SEC24A: variants seen among roughly 807,000 people sequenced by gnomAD.
The protein encoded by SEC24A is protein transport protein Sec24A.
SEC24A carries 93 observed loss-of-function variants against 129.4 expected under a neutral mutation model. The ratio of observed to expected loss-of-function variants is 0.72; its 90% CI spans 0.61 to 0.85. The LOEUF (loss-of-function observed/expected upper bound fraction) is 0.85. SEC24A is among the 40% of genes least tolerant of loss of function. The pLI, the probability that SEC24A is intolerant of heterozygous loss-of-function variation, is 0.00. For synonymous variants in SEC24A, 460 were observed against 467.3 expected, an observed-to-expected ratio of 0.98 and a Z score of 0.20; for missense variants, 1,264 against 1,307.4, an observed-to-expected ratio of 0.97 and a Z score of 0.51.
intron 20 of SEC24A, among the ~76,000 whole-genome samples, chr5:134,720,619 C>T (rs1456656195): frequency 1.3e-5 from 2 of 152,062 alleles, no homozygotes; most frequent in Non-Finnish European, 2.9e-5. Context: ...AAAATATACT[C>T]AAGCTGGGTG....
At chr5:134,670,023 T>G (rs1580693406) in intron 3 of SEC24A, among the ~76,000 whole-genome samples, 1 of 152,114 alleles carries the variant, frequency 6.6e-6, no homozygotes, top group African/African-American at 2.4e-5. Flanking sequence ...GCCTCCCAGG[T>G]TCAAGCGATT....
chr5:134,679,841 T>A (rs1375686773), intron 8 of SEC24A, 113 bp downstream of exon 8: 3 of 683,406 alleles, frequency 4.4e-6, no homozygotes, highest in African/African-American at 3.7e-5. Flanking sequence ...CTCTAGTCAA[T>A]CCTTCCACTC....
chr5:134,688,218 A>G lies in SEC24A; in HGVS notation c.1642A>G (p.Thr548Ala). ...CACTAGAACAAAAATTGGCTTCATAACATTTGACAGTACAATCCATTTCTA... is the reference window on the plus strand; with the variant it reads ...CACTAGAACAAAAATTGGCTTCATAGCATTTGACAGTACAATCCATTTCTA... ...GNTRTKIGFI[T>A]FDSTIHFYGL... Residue 548 changes from threonine to alanine, a missense_variant, in exon 11 of 23, where the codon ACA becomes GCA. Thr to Ala is a moderately conservative substitution (Grantham distance 58). Transcript: ENST00000398844. 6.2e-7 allele frequency: 1 copy of G among 1,613,246 alleles called. No individual in the cohort carries two copies. Among genetic ancestry groups the G allele is most frequent in the Non-Finnish European group, 8.5e-7 (1 of 1,179,348 alleles).
chr5:134,709,248 C>T (rs940016891), intron 18 of SEC24A, among the ~76,000 whole-genome samples: 2 of 151,994 alleles, frequency 1.3e-5, no homozygotes, highest in African/African-American at 4.8e-5. Context: ...ACGATGGAAA[C>T]ATCAAAAGGC....
At chr5:134,703,702 T>C in intron 15 of SEC24A, 57 bp from the exon 16 acceptor site, 1 of 1,136,254 alleles carries the variant, frequency 8.8e-7, no homozygotes, top group Non-Finnish European at 1.3e-6. Flanking sequence ...TAGGATAAAA[T>C]GTAAATATCA....
intron 13 of SEC24A, among the ~76,000 whole-genome samples, chr5:134,695,110 C>CTA (rs933745189): frequency 2.6e-5 from 4 of 151,902 alleles, no homozygotes; most frequent in African/African-American, 9.7e-5. Flanking sequence ...TGGCTTGTGC[C>CTA]TATAATCCCA....
chr5:134,707,076 A>G (rs1464294416), intron 17 of SEC24A, among the ~76,000 whole-genome samples: 10 of 152,222 alleles, frequency 6.6e-5, no homozygotes, highest in Admixed American at 3.9e-4. Flanking sequence ...GGCTCAAGCA[A>G]TCCTCCTGCT....
Position 134,648,884 on chromosome 5 carries a change from C to T in SEC24A, c.-193C>T. On this transcript the variant is annotated 5_prime_UTR_variant, in exon 1 of 23. Transcript: ENST00000398844. ...GGCCCGACTCTCAAGCCTCAGCTCCCAGGCTAGGCTGTGGCCGCCGGTGGC... is the reference window on the plus strand; with the variant it reads ...GGCCCGACTCTCAAGCCTCAGCTCCTAGGCTAGGCTGTGGCCGCCGGTGGC... The T allele has an allele frequency of 2.2e-6, 1 of 450,834 alleles. No individual in the cohort carries two copies. Among genetic ancestry groups the T allele is most frequent in the South Asian group, 3.8e-5 (1 of 26,028 alleles). The allele number at this position is 450,834 out of a possible 1,614,324, so 27.9% of individuals were successfully genotyped here. A position where few individuals can be genotyped will look rare whatever the true frequency, so the allele number is the denominator to read the frequency against.
chr5:134,685,136 G>A (rs773008690), intron 9 of SEC24A, among the ~76,000 whole-genome samples: 2 of 152,156 alleles, frequency 1.3e-5, no homozygotes, highest in Middle Eastern at 3.4e-3. Context: ...TTGGGAAGCC[G>A]ATGCAGGAGG....
At chr5:134,683,370 A>AT in intron 9 of SEC24A, among the ~76,000 whole-genome samples, 1 of 151,498 alleles carries the variant, frequency 6.6e-6, no homozygotes, top group East Asian at 1.9e-4. Context: ...CTATTGCTTC[A>AT]TTTTTCCTTC....
At chr5:134,724,572 G>T (rs1752713752) in intron 22 of SEC24A, among the ~76,000 whole-genome samples, 1 of 147,884 alleles carries the variant, frequency 6.8e-6, no homozygotes, top group South Asian at 2.1e-4. Flanking sequence ...TGGGCAACAA[G>T]AGTAAAACTC....
chr5:134,719,612 C>T (rs1752575574), intron 20 of SEC24A, among the ~76,000 whole-genome samples: 1 of 148,010 alleles, frequency 6.8e-6, no homozygotes, highest in Non-Finnish European at 1.5e-5. Context: ...CACCTGAACC[C>T]AGGAGGTTGA....
At chr5:134,649,219 G>A (rs774337293) in intron 1 of SEC24A, 46 bp downstream of exon 1, 1 of 1,396,650 alleles carries the variant, frequency 7.2e-7, no homozygotes, top group Non-Finnish European at 9.9e-7. Context: ...AGGGCTGACT[G>A]ACCTTTGCGT....
intron 11 of SEC24A, among the ~76,000 whole-genome samples, chr5:134,689,632 G>A (rs796771914): frequency 6.3e-4 from 96 of 152,126 alleles, no homozygotes; most frequent in African/African-American, 2.1e-3. Context: ...GTGGTGGTGC[G>A]TACCTGTAGT....
chr5:134,682,045 C>T (rs1249341430), intron 8 of SEC24A, among the ~76,000 whole-genome samples: 4 of 151,970 alleles, frequency 2.6e-5, no homozygotes, highest in African/African-American at 9.7e-5. Flanking sequence ...AGTTCGAGAC[C>T]AGCCTGACCA....
chr5:134,660,997 G>T, intron 1 of SEC24A, 122 bp from the exon 2 acceptor site: 1 of 749,054 alleles, frequency 1.3e-6, no homozygotes, highest in Non-Finnish European at 2.2e-6. Flanking sequence ...TAAGTCCTTT[G>T]CTTATTTTTT....
intron 1 of SEC24A, among the ~76,000 whole-genome samples, chr5:134,658,385 C>T (rs1750323964): frequency 6.6e-6 from 1 of 152,124 alleles, no homozygotes; most frequent in African/African-American, 2.4e-5. Context: ...TGGAACATTA[C>T]TTGGGTGACT....
Position 134,688,157 on chromosome 5 carries a change from A to G in SEC24A, c.1605-24A>G, listed in dbSNP as rs1289568598. ...TTGTATGTGGTTAAAACTTGATAAA[A>G]TACTCTTCTGAATTTGTTTTTAGGC... is the stretch of plus-strand genomic sequence containing the variant. On this transcript the variant is annotated intron_variant, in intron 10 of 22. Coordinates refer to ENST00000398844, the MANE Select transcript of SEC24A (RefSeq NM_021982.3). 3 of 1,306,392 alleles carry G rather than the reference A, an allele frequency of 2.3e-6. No individual in the cohort carries two copies. In the Admixed American group the frequency reaches 5.0e-5, roughly 22 times the overall value. 80.9% of individuals were successfully genotyped at this position (1,306,392 alleles called of 1,614,324 possible).
At chr5:134,691,496 G>A (rs1751649497) in intron 11 of SEC24A, among the ~76,000 whole-genome samples, 1 of 147,786 alleles carries the variant, frequency 6.8e-6, no homozygotes, top group Admixed American at 6.8e-5. Flanking sequence ...CACTGGTGTG[G>A]GCCTTCTTTT....
Sources: gnomAD v4.1 joint callset for allele counts (sites outside exome capture counted in the v4.1 genomes callset) on GRCh38, gnomAD v4.1.1 for gene constraint, MANE v1.5 for transcripts, NCBI Gene and HGNC (gene_info 2026-07-23, HGNC 2026-07-21) for gene names.